The following PHF21B variants were observed in gnomAD, a reference collection of about 807,000 sequenced individuals.
The protein encoded by PHF21B is PHD finger protein 21B.
Under a neutral mutation model 62.2 loss-of-function variants are expected in PHF21B, and 22 were observed. That is an observed-to-expected ratio of 0.35 (90% CI 0.25 to 0.51). The LOEUF is 0.51. Among genes scored for constraint, PHF21B ranks in the 20% least tolerant of loss-of-function variants. PHF21B has a pLI of 0.97. For missense variants in PHF21B, 701 were observed against 707.9 expected (o/e 0.99, Z 0.11); for synonymous variants, 341 against 314.7 (o/e 1.08, Z -0.88).
At chr22:44,908,008 C>T (rs2071281273) in intron 5 of PHF21B, among the ~76,000 whole-genome samples, 1 of 152,146 alleles carries the variant, frequency 6.6e-6, no homozygotes, top group South Asian at 2.1e-4. Flanking sequence ...CTTTCACGCC[C>T]ATAATGTTTA....
intron 2 of PHF21B, among the ~76,000 whole-genome samples, chr22:44,931,748 C>T (rs1267583435): frequency 2.6e-5 from 4 of 152,076 alleles, no homozygotes; most frequent in Admixed American, 6.6e-5. Context: ...TCTGAGGTCA[C>T]GCTAGTTCTG....
chr22:44,999,685 C>A (rs2073179431), intron 2 of PHF21B, among the ~76,000 whole-genome samples: 1 of 152,108 alleles, frequency 6.6e-6, no homozygotes, highest in African/African-American at 2.4e-5. Context: ...TGTCATTTCT[C>A]CCCCTACACG....
rs973724252 is a variant in PHF21B, at chr22:44,882,542, G to A, written c.*544C>T. The A allele has an allele frequency of 7.2e-5, 5 of 69,090 alleles. No homozygotes were observed. Among genetic ancestry groups the A allele is most frequent in the Non-Finnish European group, 1.6e-4 (5 of 30,650 alleles). The allele number at this position is 69,090 out of a possible 1,614,324, so 4.3% of individuals were successfully genotyped here. ...AAAGGCGACGGAGTGCCCCAGGCCC[G>A]CCCGCCCACCCCAGGGGGACCTCCT... On this transcript the variant is annotated 3_prime_UTR_variant, in exon 13 of 13. Transcript: ENST00000313237.
rs953396754 is a variant in PHF21B, at chr22:44,904,622, A to G, written c.832-8539T>C. Among the ~76,000 whole-genome samples, 3 of 125,064 alleles carry G rather than the reference A, an allele frequency of 2.4e-5. 1 individual carries two copies. The highest frequency in any genetic ancestry group is 6.0e-5 in the African/African-American group (2 of 33,256). 82.0% of individuals were successfully genotyped at this position (125,064 alleles called of 152,430 possible). ...TGTGGATTTCAGACATGAGCAGAGC[A>G]TCGGCAGACTGGGCAAGAAGTGTTA... On this transcript the variant is annotated intron_variant, in intron 5 of 12. Transcript: ENST00000313237.
chr22:45,006,044 G>C (rs754411089), intron 2 of PHF21B, among the ~76,000 whole-genome samples: 14 of 152,120 alleles, frequency 9.2e-5, no homozygotes, highest in South Asian at 2.1e-4. Flanking sequence ...CCCAAGGAGA[G>C]GGAGAGGGGA....
At chr22:44,938,197 C>A (rs1417996946) in intron 2 of PHF21B, among the ~76,000 whole-genome samples, 1 of 152,204 alleles carries the variant, frequency 6.6e-6, no homozygotes, top group African/African-American at 2.4e-5. Flanking sequence ...GCCTCAGTCT[C>A]CCGAGTAGCT....
intron 2 of PHF21B, among the ~76,000 whole-genome samples, chr22:44,966,382 C>G (rs1217676434): frequency 6.6e-6 from 1 of 152,250 alleles, no homozygotes; most frequent in African/African-American, 2.4e-5. Flanking sequence ...AAGGTCAAAG[C>G]AGACAAGCTG....
At chr22:44,989,872 AGTACT>A (rs958124766) in intron 2 of PHF21B, among the ~76,000 whole-genome samples, 2 of 152,174 alleles carry the variant, frequency 1.3e-5, no homozygotes, top group Non-Finnish European at 2.9e-5. Context: ...GGCCTCCCAA[AGTACT>A]GGGATTACAG....
chr22:44,990,493 A>T (rs993571261), intron 2 of PHF21B, among the ~76,000 whole-genome samples: 15 of 152,252 alleles, frequency 9.9e-5, no homozygotes, highest in African/African-American at 3.4e-4. Flanking sequence ...AAAAGGAAGG[A>T]AGTTCTGACG....
chr22:44,979,915 A>C (rs1033585937), intron 2 of PHF21B, among the ~76,000 whole-genome samples: 29 of 151,840 alleles, frequency 1.9e-4, no homozygotes, highest in African/African-American at 6.8e-4. Flanking sequence ...CTAAAAATTC[A>C]AAATTTAGCC....
chr22:44,969,631 A>G (rs2072598499), intron 2 of PHF21B, among the ~76,000 whole-genome samples: 1 of 152,022 alleles, frequency 6.6e-6, no homozygotes, highest in African/African-American at 2.4e-5. Flanking sequence ...ACGCCACTGC[A>G]CTCCAGCCTG....
At chr22:44,947,959 C>T (rs73426657) in intron 2 of PHF21B, among the ~76,000 whole-genome samples, 2,122 of 152,318 alleles carry the variant, frequency 0.014, 61 homozygotes, top group African/African-American at 0.049. Flanking sequence ...ATCCAGAGCA[C>T]AGGGCGCCAG....
At chr22:44,895,657 G>A (rs567427518) in intron 6 of PHF21B, among the ~76,000 whole-genome samples, 11 of 152,316 alleles carry the variant, frequency 7.2e-5, no homozygotes, top group African/African-American at 2.6e-4. Flanking sequence ...CGGGCAGTCT[G>A]CCTCTTGTCA....
chr22:44,897,250 G>C, intron 5 of PHF21B, among the ~76,000 whole-genome samples: 1 of 151,270 alleles, frequency 6.6e-6, no homozygotes, highest in East Asian at 1.9e-4. Context: ...TTTTTCATTT[G>C]ACATTCTTTG....
Position 44,896,115 on chromosome 22 carries a change from C to G in PHF21B, c.832-32G>C. The G allele has an allele frequency of 1.9e-6, 3 of 1,612,952 alleles. No homozygotes were observed. In the South Asian group the frequency reaches 3.3e-5, roughly 18 times the overall value. The stretch of plus-strand genomic sequence containing the variant: ...GAAGGAACAGACAAAGGAGCATTAA[C>G]ACAACCGTCAAAGTTCATTCATGCA... On this transcript the variant is annotated intron_variant, in intron 5 of 12. Transcript: ENST00000313237.
At chr22:44,950,081 G>A (rs1601634321) in intron 2 of PHF21B, among the ~76,000 whole-genome samples, 1 of 152,184 alleles carries the variant, frequency 6.6e-6, no homozygotes, top group African/African-American at 2.4e-5. Flanking sequence ...CTCCGTCCAT[G>A]CACAGACCAA....
intron 5 of PHF21B, among the ~76,000 whole-genome samples, chr22:44,900,378 G>A (rs1359591682): frequency 6.6e-5 from 10 of 152,072 alleles, no homozygotes; most frequent in Non-Finnish European, 2.9e-5. Context: ...TTGGCTCACT[G>A]CAACCTCCAC....
chr22:45,007,502 G>A (rs1332340620), intron 2 of PHF21B, among the ~76,000 whole-genome samples: 1 of 144,216 alleles, frequency 6.9e-6, no homozygotes, highest in Non-Finnish European at 1.5e-5. Context: ...GGCTGCGGCC[G>A]GCATTCCGAA....
At chr22:44,904,761 GA>G (rs2071220284) in intron 5 of PHF21B, among the ~76,000 whole-genome samples, 1 of 120,192 alleles carries the variant, frequency 8.3e-6, no homozygotes, top group African/African-American at 3.1e-5. Context: ...ACAGGCTGCA[GA>G]AAAAGTCAGT....
Sources: allele counts gnomAD v4.1 joint callset (sites outside exome capture counted in the v4.1 genomes callset), GRCh38; gene constraint gnomAD v4.1.1; transcripts MANE v1.5; gene names NCBI Gene and HGNC (gene_info 2026-07-23, HGNC 2026-07-21).